TRPV1: variants seen among roughly 807,000 people sequenced by gnomAD.
The protein encoded by TRPV1 is transient receptor potential cation channel subfamily V member 1.
In TRPV1, 82 loss-of-function variants were observed where a neutral mutation model predicts 82.3. The observed-to-expected ratio is 1.00, with a 90% CI of 0.83 to 1.20. The LOEUF (loss-of-function observed/expected upper bound fraction) is 1.20, where lower values mean the gene tolerates loss of function less well. Among genes scored for constraint, TRPV1 ranks in the 50% most tolerant of loss-of-function variants. The probability of loss-of-function intolerance (pLI) is 0.00; values close to 1 mark genes in which losing one functional copy is unlikely to be tolerated. For synonymous variants in TRPV1, 515 were observed against 467.7 expected, an observed-to-expected ratio of 1.10 and a Z score of -1.30; for missense variants, 1,067 against 1,096.8, an observed-to-expected ratio of 0.97 and a Z score of 0.38.
At chr17:3,603,861 CCCT>C (rs1447630085) in intron 2 of TRPV1, among the ~76,000 whole-genome samples, 3 of 152,148 alleles carry the variant, frequency 2.0e-5, no homozygotes, top group Non-Finnish European at 2.9e-5. Context: ...CCAGGTGAGA[CCCT>C]CTCTCCTGAG....
At chr17:3,574,033 C>T in intron 13 of TRPV1, 78 bp from the exon 14 acceptor site, 1 of 1,234,048 alleles carries the variant, frequency 8.1e-7, no homozygotes, top group Non-Finnish European at 1.1e-6. Flanking sequence ...CCCTCCTGCT[C>T]AGTCAGTCTC....
At chr17:3,602,176 T>G (rs994876650) in intron 2 of TRPV1, 1 of 152,238 alleles carries the variant, frequency 6.6e-6, no homozygotes, top group Non-Finnish European at 1.5e-5. Flanking sequence ...ACAGCTCTAC[T>G]AGTCTCGTCT....
chr17:3,607,787 T>G (rs1191703769), intron 2 of TRPV1, among the ~76,000 whole-genome samples: 2 of 152,094 alleles, frequency 1.3e-5, no homozygotes, highest in Non-Finnish European at 2.9e-5. Context: ...TCCACCCGCC[T>G]CGGCCTCCCA....
Position 3,590,171 on chromosome 17 carries a change from C to T in TRPV1, c.746-66G>A, listed in dbSNP as rs917649539. ...TCCAGCTGGCCCCTGAACCACCGGC[C>T]TCCAAACTCCCTCTGTCTCTGCCCA... On this transcript the variant is annotated intron_variant, in intron 6 of 16. Transcript: ENST00000572705. The T allele has an allele frequency of 6.3e-6, 10 of 1,587,526 alleles. No individual in the cohort carries two copies. In the East Asian group the frequency reaches 2.0e-4, roughly 32 times the overall value.
intron 2 of TRPV1, among the ~76,000 whole-genome samples, chr17:3,600,924 G>A (rs116184293): frequency 1.2e-3 from 178 of 152,202 alleles, no homozygotes; most frequent in African/African-American, 3.9e-3. Context: ...CCTCTCTGAT[G>A]TGTCCAAGTC....
intron 2 of TRPV1, among the ~76,000 whole-genome samples, chr17:3,598,708 G>T (rs2075240059): frequency 6.6e-6 from 1 of 151,400 alleles, no homozygotes; most frequent in Non-Finnish European, 1.5e-5. Context: ...TGGGATTACA[G>T]GCACGTGCCA....
In TRPV1 at chr17:3,592,155, C is replaced by G; in HGVS notation, c.196G>C (p.Glu66Gln). 6.2e-7 allele frequency: 1 copy of G among 1,613,830 alleles called. No homozygotes were observed. Among genetic ancestry groups the G allele is most frequent in the Non-Finnish European group, 8.5e-7 (1 of 1,179,852 alleles). Residue 66 changes from glutamate to glutamine, a missense_variant, in exon 3 of 17, where the codon GAG becomes CAG. Transcript: ENST00000572705. ...GGGCAGGAGTCCAGCTCACCTTCCTCGTGAGGGCAATCCACCGGGAAAGCC... is the reference window on the plus strand; with the variant it reads ...GGGCAGGAGTCCAGCTCACCTTCCTGGTGAGGGCAATCCACCGGGAAAGCC... ...EEAFPVDCPH[E>Q]EGELDSCPTI...
rs2074893417 is a variant in TRPV1, at chr17:3,573,856, G to C, written c.1880C>G (p.Ser627Cys). ...RGPACRPPDS[S>C]YNSLYSTCLE... ...GCAGGTGGAGTACAGGCTGTTGTAG[G>C]AGCTATCGGGGGGCCTGCAGGCAGG... Residue 627 changes from serine (S) to cysteine (C), a missense_variant, in exon 14 of 17, where the codon TCC becomes TGC. Coordinates refer to ENST00000572705, the MANE Select transcript of TRPV1 (RefSeq NM_080704.4). 2 of 1,613,458 alleles carry C rather than the reference G, an allele frequency of 1.2e-6. No homozygotes were observed. The highest frequency in any genetic ancestry group is 1.7e-6 in the Non-Finnish European group (2 of 1,179,786).
intron 3 of TRPV1, 29 bp downstream of exon 3, chr17:3,592,038 A>G (rs1293589056): frequency 1.3e-6 from 2 of 1,599,596 alleles, no homozygotes; most frequent in Non-Finnish European, 1.7e-6. Flanking sequence ...GGCTCCCAGC[A>G]GGGAGGGGGG....
chr17:3,572,564 G>C (rs1253465900), intron 14 of TRPV1, among the ~76,000 whole-genome samples: 1 of 152,244 alleles, frequency 6.6e-6, no homozygotes, highest in African/African-American at 2.4e-5. Context: ...ACATAGGGTA[G>C]GGCTGAGAGC....
chr17:3,590,277 G>C lies in TRPV1; in HGVS notation c.720C>G (p.Thr240=), dbSNP rs762757258. 11 of 1,613,858 alleles carry C rather than the reference G, an allele frequency of 6.8e-6. No individual in the cohort carries two copies. The highest frequency in any genetic ancestry group is 6.7e-5 in the African/African-American group (5 of 74,928). The change falls in exon 6 of 17, where the codon ACC becomes ACG. Residue 240 remains threonine, a synonymous_variant. Coordinates refer to ENST00000572705, the MANE Select transcript of TRPV1 (RefSeq NM_080704.4). ...CGAAGTAGAATCCAGGCCGCCCTTT[G>C]GTTTTCTTAAAGAAGTCCCCATGGG... is the stretch of plus-strand genomic sequence containing the variant. ...AAAHGDFFKK[T]KGRPGFYFGE... is the part of the protein sequence containing the mutation.
At chr17:3,591,464 A>C in intron 3 of TRPV1, 111 bp from the exon 4 acceptor site, 1 of 1,285,342 alleles carries the variant, frequency 7.8e-7, no homozygotes, top group Non-Finnish European at 1.1e-6. Flanking sequence ...CAAAAAGGGG[A>C]AAAATGATAT....
intron 14 of TRPV1, among the ~76,000 whole-genome samples, chr17:3,572,552 C>T (rs1463752460): frequency 6.6e-6 from 1 of 152,190 alleles, no homozygotes; most frequent in Non-Finnish European, 1.5e-5. Flanking sequence ...TCACAAGGGG[C>T]AACATAGGGT....
chr17:3,572,165 C>T lies in TRPV1; in HGVS notation c.2188G>A (p.Gly730Arg), dbSNP rs1187113555. 1 of 1,613,690 alleles carries T rather than the reference C, an allele frequency of 6.2e-7. No homozygotes were observed. The highest frequency in any genetic ancestry group is 8.5e-7 in the Non-Finnish European group (1 of 1,179,744). The change falls in exon 15 of 17, where the codon GGG becomes AGG. Residue 730 changes from glycine (G) to arginine (R), a missense_variant. By Grantham distance (125) the Gly-to-Arg change is moderately radical. Transcript: ENST00000572705. Reference protein sequence around the residue: ...AFRSGKLLQVGYTPDGKDDYR... With the variant: ...AFRSGKLLQVRYTPDGKDDYR... ...TCGTCCTTGCCATCAGGTGTGTACC[C>T]CACCTGCAGCAGCTTGCCTGAGCGG...
At chr17:3,571,337 C>G (rs371126712) in intron 16 of TRPV1, among the ~76,000 whole-genome samples, 187 bp downstream of exon 16, 13 of 152,210 alleles carry the variant, frequency 8.5e-5, no homozygotes, top group African/African-American at 3.1e-4. Context: ...TCAGCCGTGA[C>G]AGCATGAGTG....
At position 3,565,742 on chromosome 17, in the gene TRPV1, A is replaced by T. The variant is rs2074752642; in HGVS notation, c.*1073T>A. ...TCTTCTCCAGGGAGGAAACACCAAC[A>T]CCCCCAAACCACCCGGGCAGGTAAG... On this transcript the variant is annotated 3_prime_UTR_variant, in exon 17 of 17. Transcript: ENST00000572705. 6.6e-6 allele frequency: 1 copy of T among 152,008 alleles called. No homozygotes were observed. The highest frequency in any genetic ancestry group is 1.5e-5 in the Non-Finnish European group (1 of 68,032). The allele number at this position is 152,008 out of a possible 1,614,324, so 9.4% of individuals were successfully genotyped here. A position where few individuals can be genotyped will look rare whatever the true frequency, so the allele number is the denominator to read the frequency against.
In TRPV1 at chr17:3,596,295, G is replaced by GCATC. The variant is rs113591328; in HGVS notation, c.-33-3916_-33-3913dup. Among the ~76,000 whole-genome samples, 930 of 151,806 alleles carry GCATC rather than the reference G, an allele frequency of 6.1e-3. 7 individuals are homozygous for GCATC. The highest frequency in any genetic ancestry group is 0.021 in the African/African-American group (865 of 41,172). ...TCCCCTGCTCCTCTCTCTGCCCAAA[G>GCATC]CATCCATCCATCCATCCATCCATCC... On this transcript the variant is annotated intron_variant, in intron 2 of 16. Coordinates refer to ENST00000572705, the MANE Select transcript of TRPV1 (RefSeq NM_080704.4).
At position 3,573,551 on chromosome 17, in the gene TRPV1, C is replaced by CCCCCCCCCCCCCCCG; in HGVS notation, c.2103+81_2103+82insCGGGGGGGGGGGGGG. 1.4e-5 allele frequency: 9 copies of CCCCCCCCCCCCCCCG among 635,234 alleles called. 2 individuals carry two copies. Among genetic ancestry groups the CCCCCCCCCCCCCCCG allele is most frequent in the South Asian group, 6.1e-5 (1 of 16,418 alleles). The allele number at this position is 635,234 out of a possible 1,614,324, so 39.3% of individuals were successfully genotyped here. On this transcript the variant is annotated intron_variant, in intron 14 of 16. Coordinates refer to ENST00000572705, the MANE Select transcript of TRPV1 (RefSeq NM_080704.4). The stretch of plus-strand genomic sequence containing the variant: ...CACACCGCCCCCACCACCCACCCAC[C>CCCCCCCCCCCCCCCG]TGCAGCCAGCTGTGTAAGACAGCAG...
intron 10 of TRPV1, among the ~76,000 whole-genome samples, chr17:3,582,040 A>C (rs1333418022): frequency 6.8e-6 from 1 of 146,648 alleles, no homozygotes; most frequent in African/African-American, 2.5e-5. Context: ...AATACAAAAA[A>C]TTAGCCGGGC....
Sources: gnomAD v4.1 joint callset for allele counts (sites outside exome capture counted in the v4.1 genomes callset) on GRCh38, gnomAD v4.1.1 for gene constraint, MANE v1.5 for transcripts, NCBI Gene and HGNC (gene_info 2026-07-23, HGNC 2026-07-21) for gene names.